Variants in ATG10 observed in about 807,000 individuals in gnomAD.
ATG10 encodes the protein ubiquitin-like-conjugating enzyme ATG10.
Under a neutral mutation model 32.1 loss-of-function variants are expected in ATG10, and 30 were observed. The ratio of observed to expected loss-of-function variants is 0.94; its 90% confidence interval spans 0.70 to 1.27. The LOEUF (loss-of-function observed/expected upper bound fraction) is 1.27, where lower values mean the gene tolerates loss of function less well. Among genes scored for constraint, ATG10 ranks in the 50% most tolerant of loss-of-function variants. The probability of loss-of-function intolerance (pLI) is 0.00; values close to 1 mark genes in which losing one functional copy is unlikely to be tolerated. For missense variants in ATG10, 233 were observed against 262.3 expected (o/e 0.89, Z 0.77); for synonymous variants, 87 against 91.5 (o/e 0.95, Z 0.28).
intron 2 of ATG10, among the ~76,000 whole-genome samples, chr5:82,025,772 C>T (rs1330977659): frequency 6.6e-6 from 1 of 152,144 alleles, no homozygotes. Context: ...AGGTGTAGCA[C>T]CTGTGCCCTG....
intron 5 of ATG10, among the ~76,000 whole-genome samples, chr5:82,213,291 T>C (rs1745560954): frequency 6.6e-6 from 1 of 152,174 alleles, no homozygotes; most frequent in African/African-American, 2.4e-5. Flanking sequence ...AGACTAAGAG[T>C]TGGTTCCTCT....
intron 2 of ATG10, among the ~76,000 whole-genome samples, chr5:82,057,446 G>A (rs948266299): frequency 2.0e-5 from 3 of 152,066 alleles, no homozygotes; most frequent in African/African-American, 7.2e-5. Flanking sequence ...GTGGCTGATG[G>A]CAATCTTTAG....
chr5:81,994,917 A>C (rs1038942564), intron 2 of ATG10, among the ~76,000 whole-genome samples: 17 of 152,164 alleles, frequency 1.1e-4, no homozygotes, highest in Non-Finnish European at 2.2e-4. Flanking sequence ...GAGTTGTTTT[A>C]GTTCATCAAG....
chr5:82,029,512 T>C (rs1762685635), intron 2 of ATG10, among the ~76,000 whole-genome samples: 1 of 152,158 alleles, frequency 6.6e-6, no homozygotes. Flanking sequence ...GGTCCCAAAT[T>C]CAGCAGCTTA....
At chr5:82,027,067 GAATAAATAA>G (rs1451977474) in intron 2 of ATG10, among the ~76,000 whole-genome samples, 3 of 125,552 alleles carry the variant, frequency 2.4e-5, no homozygotes, top group African/African-American at 5.6e-5. Context: ...TCAGAAAAAT[GAATAAATAA>G]AATAAATAAA....
rs539156337 is a variant in ATG10, at chr5:82,119,485, ATCTC to A, written c.217-44906_217-44903del. ...CCATGTTTTTTCTTTTTGAGATGGA[ATCTC>A]TCTCTCTGTGGCTCAGGCTGGAGTG... On this transcript the variant is annotated intron_variant, in intron 3 of 7. Coordinates refer to ENST00000282185, the MANE Select transcript of ATG10 (RefSeq NM_031482.5). 3.3e-3 allele frequency among the ~76,000 whole-genome samples: 500 copies of A among 151,896 alleles called. 1 individual carries two copies. The highest frequency in any genetic ancestry group is 0.01 in the African/African-American group (418 of 41,434).
intron 3 of ATG10, among the ~76,000 whole-genome samples, chr5:82,086,485 T>TCTCTCTACCCCTACATGGC (rs1764698672): frequency 6.6e-6 from 1 of 152,168 alleles, no homozygotes; most frequent in Non-Finnish European, 1.5e-5. Flanking sequence ...CATCTCTCTT[T>TCTCTCTACCCCTACATGGC]CTCTCTACCC....
chr5:82,130,001 C>T (rs1206626311), intron 3 of ATG10, among the ~76,000 whole-genome samples: 4 of 152,158 alleles, frequency 2.6e-5, no homozygotes, highest in Non-Finnish European at 5.9e-5. Flanking sequence ...TCTATAAGCC[C>T]CTGACTGGGG....
At chr5:82,066,388 T>G (rs1340562047) in intron 3 of ATG10, among the ~76,000 whole-genome samples, 1 of 152,170 alleles carries the variant, frequency 6.6e-6, no homozygotes, top group African/African-American at 2.4e-5. Context: ...CATATTTTAT[T>G]TATCCATTTA....
chr5:82,144,537 T>C (rs1767271675), intron 3 of ATG10, among the ~76,000 whole-genome samples: 1 of 151,804 alleles, frequency 6.6e-6, no homozygotes. Flanking sequence ...TAATATTTTA[T>C]AATTCACTTT....
At chr5:82,163,886 A>G (rs1025527211) in intron 3 of ATG10, among the ~76,000 whole-genome samples, 2 of 152,240 alleles carry the variant, frequency 1.3e-5, no homozygotes, top group African/African-American at 2.4e-5. Flanking sequence ...AGGTTTTGAA[A>G]TATACCTAAC....
intron 3 of ATG10, among the ~76,000 whole-genome samples, chr5:82,095,039 TAGTG>T (rs1367571199): frequency 2.6e-5 from 4 of 152,198 alleles, no homozygotes; most frequent in Non-Finnish European, 4.4e-5. Context: ...AGAATATTAA[TAGTG>T]AGCATGTATA....
intron 4 of ATG10, among the ~76,000 whole-genome samples, chr5:82,168,139 A>G (rs1743655298): frequency 1.3e-5 from 2 of 152,000 alleles, no homozygotes; most frequent in Admixed American, 6.6e-5. Flanking sequence ...ATCATGCCAA[A>G]GCCTTCTATC....
chr5:82,127,342 C>CT (rs1235454184), intron 3 of ATG10, among the ~76,000 whole-genome samples: 6 of 151,876 alleles, frequency 4.0e-5, no homozygotes, highest in South Asian at 4.2e-4. Flanking sequence ...ATTTGTATGT[C>CT]CTTGCTCCTC....
At chr5:82,228,769 A>T (rs1269759937) in intron 5 of ATG10, among the ~76,000 whole-genome samples, 1 of 152,240 alleles carries the variant, frequency 6.6e-6, no homozygotes, top group African/African-American at 2.4e-5. Flanking sequence ...GTATATAGAT[A>T]GATGTTTTTT....
chr5:82,030,865 T>C (rs1264026693), intron 2 of ATG10, among the ~76,000 whole-genome samples: 1 of 152,248 alleles, frequency 6.6e-6, no homozygotes, highest in East Asian at 1.9e-4. Context: ...CCTGTTTTTG[T>C]GTAGTTGGAT....
In ATG10 at chr5:81,987,634, C is replaced by T. The variant is rs766955513; in HGVS notation, c.64C>T (p.His22Tyr). 6.2e-7 allele frequency: 1 copy of T among 1,612,678 alleles called. No individual in the cohort carries two copies. Among genetic ancestry groups the T allele is most frequent in the South Asian group, 1.1e-5 (1 of 90,692 alleles). The change falls in exon 2 of 8, where the codon CAT (histidine) becomes TAT (tyrosine). Residue 22 changes from histidine to tyrosine, a missense_variant. Transcript: ENST00000282185. ...ACGTTATTGTGCAGAATTCATTAAA[C>T]ATTCACAACAGATAGGTGATAGTTG... ...FQRYCAEFIKHSQQIGDSWEW... is the reference protein window; with the variant it reads ...FQRYCAEFIKYSQQIGDSWEW...
At chr5:82,114,428 C>T (rs886596557) in intron 3 of ATG10, among the ~76,000 whole-genome samples, 7 of 152,002 alleles carry the variant, frequency 4.6e-5, no homozygotes, top group Admixed American at 1.3e-4. Flanking sequence ...TTATACTATG[C>T]GTACTAAACC....
At chr5:82,252,431 T>A in intron 5 of ATG10, 131 bp from the exon 6 acceptor site, 1 of 644,022 alleles carries the variant, frequency 1.6e-6, no homozygotes. Flanking sequence ...AAATAGAAAA[T>A]AAACCTGTAT....
Sources: allele counts gnomAD v4.1 joint callset (sites outside exome capture counted in the v4.1 genomes callset), GRCh38; gene constraint gnomAD v4.1.1; transcripts MANE v1.5; gene names NCBI Gene and HGNC (gene_info 2026-07-23, HGNC 2026-07-21).